The following KIAA1328 variants were observed in gnomAD, a reference collection of about 807,000 sequenced individuals.
The protein encoded by KIAA1328 is KIAA1328, also known as protein hinderin.
A neutral mutation model predicts 68.1 loss-of-function variants in KIAA1328; 52 were observed. The observed-to-expected ratio is 0.76, with a 90% CI of 0.61 to 0.96. The LOEUF (loss-of-function observed/expected upper bound fraction) is 0.96, where lower values mean the gene tolerates loss of function less well. Among genes scored for constraint, KIAA1328 ranks in the 40% least tolerant of loss-of-function variants. The probability of loss-of-function intolerance (pLI) is 0.00; values close to 1 mark genes in which losing one functional copy is unlikely to be tolerated. For missense variants in KIAA1328, 641 were observed against 677.6 expected, an observed-to-expected ratio of 0.95 and a Z score of 0.60; for synonymous variants, 232 against 239.4, an observed-to-expected ratio of 0.97 and a Z score of 0.28.
At chr18:37,000,092 C>G (rs72888996) in intron 6 of KIAA1328, among the ~76,000 whole-genome samples, 20,707 of 151,948 alleles carry the variant, frequency 0.14, 1,757 homozygotes, top group Admixed American at 0.18. Context: ...ATGATCCAAC[C>G]ATATGCTGCA....
intron 6 of KIAA1328, among the ~76,000 whole-genome samples, chr18:36,991,354 T>C (rs570316993): frequency 6.6e-6 from 1 of 152,286 alleles, no homozygotes; most frequent in South Asian, 2.1e-4. Flanking sequence ...TCAAAATTTT[T>C]CTTCTTTATT....
intron 6 of KIAA1328, among the ~76,000 whole-genome samples, chr18:36,997,343 T>C (rs1282200571): frequency 6.6e-6 from 1 of 152,176 alleles, no homozygotes; most frequent in Non-Finnish European, 1.5e-5. Context: ...TGTGGTTTGG[T>C]TTGTACAGCT....
chr18:37,069,821 AT>A (rs1333061611), intron 7 of KIAA1328, among the ~76,000 whole-genome samples: 1 of 151,744 alleles, frequency 6.6e-6, no homozygotes, highest in Non-Finnish European at 1.5e-5. Context: ...TCTGTTTTCA[AT>A]TTCATTGATT....
chr18:37,016,653 T>C (rs1011537560), intron 6 of KIAA1328, among the ~76,000 whole-genome samples: 58 of 152,296 alleles, frequency 3.8e-4, no homozygotes, highest in Middle Eastern at 3.4e-3. Context: ...AACTCAATAT[T>C]GTTCTGTTCA....
At position 37,160,143 on chromosome 18, in the gene KIAA1328, A is replaced by G. The variant is rs145562773; in HGVS notation, c.1233-57A>G. 94 of 1,395,498 alleles carry G rather than the reference A, an allele frequency of 6.7e-5. No individual in the cohort carries two copies. The East Asian group carries it at 1.4e-3, about 21-fold the overall frequency. 86.4% of individuals were successfully genotyped at this position (1,395,498 alleles called of 1,614,324 possible). A position where few individuals can be genotyped will look rare whatever the true frequency, so the allele number is the denominator to read the frequency against. On this transcript the variant is annotated intron_variant, in intron 7 of 9. Coordinates refer to ENST00000280020, the MANE Select transcript of KIAA1328 (RefSeq NM_020776.3). ...CAACCCATACTGAATTTAAATATCT[A>G]TGTGCTCTGTGTTCCCTTCTGTGCC...
chr18:36,924,200 ATAT>A (rs1244182898), intron 5 of KIAA1328, among the ~76,000 whole-genome samples: 1 of 152,080 alleles, frequency 6.6e-6, no homozygotes, highest in Non-Finnish European at 1.5e-5. Context: ...ATATTTTGGA[ATAT>A]TATACTCAAT....
intron 6 of KIAA1328, among the ~76,000 whole-genome samples, chr18:37,027,121 G>A (rs1417325624): frequency 1.3e-5 from 2 of 152,134 alleles, no homozygotes; most frequent in Non-Finnish European, 2.9e-5. Flanking sequence ...ATTCACAATT[G>A]CTTCAAAGAG....
chr18:37,058,197 T>G (rs2055998966), intron 6 of KIAA1328, among the ~76,000 whole-genome samples: 1 of 152,136 alleles, frequency 6.6e-6, no homozygotes, highest in Non-Finnish European at 1.5e-5. Context: ...GCAGCTTGTT[T>G]GTGATTAGCT....
intron 5 of KIAA1328, among the ~76,000 whole-genome samples, chr18:36,900,320 A>AAG (rs1360371768): frequency 1.3e-5 from 2 of 152,000 alleles, no homozygotes; most frequent in Admixed American, 1.3e-4. Flanking sequence ...TCATGTGGGT[A>AAG]AGTTCCCTAC....
chr18:37,221,566 G>A (rs2060563869), intron 9 of KIAA1328, among the ~76,000 whole-genome samples: 1 of 152,150 alleles, frequency 6.6e-6, no homozygotes, highest in Non-Finnish European at 1.5e-5. Context: ...TCTGTTAGAT[G>A]AGTTACTTCC....
At chr18:37,118,773 G>T (rs2151927038) in intron 7 of KIAA1328, among the ~76,000 whole-genome samples, 1 of 152,260 alleles carries the variant, frequency 6.6e-6, no homozygotes, top group Non-Finnish European at 1.5e-5. Flanking sequence ...TTGCTCGCAG[G>T]TCAGCTGGGG....
Position 37,098,105 on chromosome 18 carries a change from A to G in KIAA1328, c.1232+30560A>G, listed in dbSNP as rs189303676. Among the ~76,000 whole-genome samples, 59 of 152,246 alleles carry G rather than the reference A, an allele frequency of 3.9e-4. 1 individual carries two copies. In the East Asian group the frequency reaches 0.01, roughly 26 times the overall value. On this transcript the variant is annotated intron_variant, in intron 7 of 9. Transcript: ENST00000280020. ...GATTGCTCTGGCCAGAACTTCCAAT[A>G]CTATGTTGAATAGGAGTGGTGAGAG...
intron 9 of KIAA1328, among the ~76,000 whole-genome samples, chr18:37,215,685 C>T (rs1470441101): frequency 6.6e-6 from 1 of 152,172 alleles, no homozygotes; most frequent in Non-Finnish European, 1.5e-5. Context: ...GGAGGATTCC[C>T]TCTTTTTCTA....
At chr18:36,916,842 G>A (rs1475816121) in intron 5 of KIAA1328, among the ~76,000 whole-genome samples, 1 of 151,794 alleles carries the variant, frequency 6.6e-6, no homozygotes, top group Non-Finnish European at 1.5e-5. Flanking sequence ...TTAAATTCCT[G>A]GGCTCAAGTA....
At chr18:37,081,733 C>G (rs1264710082) in intron 7 of KIAA1328, among the ~76,000 whole-genome samples, 1 of 152,146 alleles carries the variant, frequency 6.6e-6, no homozygotes, top group Non-Finnish European at 1.5e-5. Flanking sequence ...AGATTTGTTT[C>G]CTTGAGATCT....
chr18:37,181,227 A>G (rs1192040656), intron 9 of KIAA1328, among the ~76,000 whole-genome samples: 2 of 152,182 alleles, frequency 1.3e-5, no homozygotes, highest in African/African-American at 2.4e-5. Flanking sequence ...TAAATTGATT[A>G]TAGTAAAACG....
At chr18:37,068,132 C>T (rs572344391) in intron 7 of KIAA1328, among the ~76,000 whole-genome samples, 1 of 152,236 alleles carries the variant, frequency 6.6e-6, no homozygotes, top group South Asian at 2.1e-4. Context: ...ATGATCTTGC[C>T]ATTATGCAGA....
At chr18:36,915,589 A>G (rs1367151244) in intron 5 of KIAA1328, among the ~76,000 whole-genome samples, 1 of 152,190 alleles carries the variant, frequency 6.6e-6, no homozygotes, top group Admixed American at 6.5e-5. Context: ...ATCTTTACTC[A>G]TTAGGGAAAT....
intron 9 of KIAA1328, among the ~76,000 whole-genome samples, chr18:37,203,691 G>A (rs2060158118): frequency 6.6e-6 from 1 of 152,214 alleles, no homozygotes; most frequent in South Asian, 2.1e-4. Flanking sequence ...ATGGCCAGGA[G>A]GCACAGCCAG....
Sources: gnomAD v4.1 joint callset for allele counts (sites outside exome capture counted in the v4.1 genomes callset) on GRCh38, gnomAD v4.1.1 for gene constraint, MANE v1.5 for transcripts, NCBI Gene and HGNC (gene_info 2026-07-23, HGNC 2026-07-21) for gene names.